Variants in RTTN observed in about 807,000 individuals in gnomAD.
The protein encoded by RTTN is rotatin.
Under a neutral mutation model 269.2 loss-of-function variants are expected in RTTN, and 182 were observed. The ratio of observed to expected loss-of-function variants is 0.68; its 90% CI spans 0.60 to 0.76. The LOEUF (loss-of-function observed/expected upper bound fraction) is 0.76. Ranked by LOEUF, RTTN falls within the 30% of genes least tolerant of loss-of-function variation. RTTN has a pLI of 0.00. For synonymous variants in RTTN, 1,006 were observed against 963.5 expected (o/e 1.04, Z -0.82); for missense variants, 2,545 against 2,608.6 (o/e 0.98, Z 0.53).
intron 7 of RTTN, among the ~76,000 whole-genome samples, chr18:70,195,815 G>A (rs2061791451): frequency 6.6e-6 from 1 of 152,162 alleles, no homozygotes; most frequent in Non-Finnish European, 1.5e-5. Context: ...TTTGTACAAT[G>A]CCATACCCTC....
rs1275911447 is a variant in RTTN, at chr18:70,088,122, C to G, written c.4169G>C (p.Gly1390Ala). ...CGTTTCAAGGGTGGTCAGTGCTGAT[C>G]CTAATCCCAGTGAAGTGAATCTCAC... ...PEVRFTSLGL[G>A]SALTTLETGC... The change falls in exon 31 of 49, where the codon GGA (glycine) becomes GCA (alanine). Residue 1390 changes from glycine to alanine, a missense_variant. Transcript: ENST00000640769. The G allele has an allele frequency of 1.9e-6, 3 of 1,613,314 alleles. No homozygotes were observed. Among genetic ancestry groups the G allele is most frequent in the Non-Finnish European group, 2.5e-6 (3 of 1,179,700 alleles).
At chr18:70,166,213 G>A (rs770608540) in intron 13 of RTTN, 25 bp from the exon 14 acceptor site, 1 of 1,610,664 alleles carries the variant, frequency 6.2e-7, no homozygotes, top group Non-Finnish European at 8.5e-7. Context: ...AAACAACCAA[G>A]ACATGTGAGG....
At chr18:70,034,050 T>G (rs1190217681) in intron 40 of RTTN, among the ~76,000 whole-genome samples, 4 of 152,020 alleles carry the variant, frequency 2.6e-5, no homozygotes, top group Admixed American at 1.3e-4. Context: ...AGCTCTAAAA[T>G]GGAATCAGAA....
At position 70,065,878 on chromosome 18, in the gene RTTN, C is replaced by T. The variant is rs771978131; in HGVS notation, c.4698G>A (p.Gln1566=). 14 of 1,602,402 alleles carry T rather than the reference C, an allele frequency of 8.7e-6. No homozygotes were observed. Among genetic ancestry groups the T allele is most frequent in the Admixed American group, 5.1e-5 (3 of 58,858 alleles). ...LGSTEFQPLV[Q]STTLLPEASH... Reference sequence around the variant, plus strand: ...AGGCTTCAGGTAGAAGTGTTGTTGACTGCACAAGTGGCTGAAATTCAGTAC... The same window carrying T: ...AGGCTTCAGGTAGAAGTGTTGTTGATTGCACAAGTGGCTGAAATTCAGTAC... The change falls in exon 35 of 49, where the codon CAG becomes CAA. Residue 1566 remains glutamine, a synonymous_variant. Transcript: ENST00000640769.
intron 32 of RTTN, among the ~76,000 whole-genome samples, chr18:70,084,191 G>A (rs932307847): frequency 6.6e-6 from 1 of 150,432 alleles, no homozygotes; most frequent in Non-Finnish European, 1.5e-5. Context: ...CTGCAGGCAG[G>A]AAAACAAAGT....
chr18:70,016,470 T>A (rs147066135), intron 46 of RTTN, among the ~76,000 whole-genome samples: 42 of 152,214 alleles, frequency 2.8e-4, no homozygotes, highest in Admixed American at 8.5e-4. Context: ...GACGCTGGAG[T>A]GATGCCCTAG....
chr18:70,190,677 A>C lies in RTTN; in HGVS notation c.1050T>G (p.Val350=). The change falls in exon 9 of 49, where the codon GTT becomes GTG. Residue 350 remains valine, a synonymous_variant. Transcript: ENST00000640769. ...SHAHVNSRIS[V]HSPLDMGHID... is the part of the protein sequence containing the mutation. The stretch of plus-strand genomic sequence containing the variant: ...TGTGTCCCATATCCAAAGGTGAATG[A>C]ACGGATATCCTGGAGTTTACATGAG... 1 of 1,613,168 alleles carries C rather than the reference A, an allele frequency of 6.2e-7. No individual in the cohort carries two copies. Among genetic ancestry groups the C allele is most frequent in the Non-Finnish European group, 8.5e-7 (1 of 1,179,178 alleles).
rs1568568218 is a variant in RTTN at position 70,204,149 on chromosome 18, G to T, written c.334C>A (p.Leu112Ile). Reference protein sequence around the residue: ...QAEIDGILDGLFLLPSEVPAL... With the variant: ...QAEIDGILDGIFLLPSEVPAL... ...GGAACTTCCGAAGGAAGAAGAAAAAGTCCATCCAGAATGCCATCAATTTCA... is the reference window on the plus strand; with the variant it reads ...GGAACTTCCGAAGGAAGAAGAAAAATTCCATCCAGAATGCCATCAATTTCA... Residue 112 changes from leucine to isoleucine, a missense_variant, in exon 3 of 49, where the codon CTT becomes ATT. Coordinates refer to ENST00000640769, the MANE Select transcript of RTTN (RefSeq NM_173630.4). 1 of 1,614,116 alleles carries T rather than the reference G, an allele frequency of 6.2e-7. No homozygotes were observed. Among genetic ancestry groups the T allele is most frequent in the Admixed American group, 1.7e-5 (1 of 60,016 alleles).
At chr18:70,116,075 T>TGAATAAAAGAATC (rs2059596484) in intron 26 of RTTN, among the ~76,000 whole-genome samples, 1 of 151,986 alleles carries the variant, frequency 6.6e-6, no homozygotes, top group Admixed American at 6.6e-5. Flanking sequence ...GTTTCATACA[T>TGAATAAAAGAATC]GAATAAAAGA....
At chr18:70,073,267 A>C (rs535947948) in intron 34 of RTTN, among the ~76,000 whole-genome samples, 1 of 152,184 alleles carries the variant, frequency 6.6e-6, no homozygotes, top group Non-Finnish European at 1.5e-5. Flanking sequence ...TCAGTGTTTC[A>C]AACTTTTCTG....
chr18:70,082,943 T>C (rs987693690), intron 32 of RTTN, among the ~76,000 whole-genome samples: 1 of 152,156 alleles, frequency 6.6e-6, no homozygotes, highest in Non-Finnish European at 1.5e-5. Flanking sequence ...TCCTCTCACC[T>C]CAGCCTCCCC....
At chr18:70,033,317 C>T (rs1390099362) in intron 40 of RTTN, among the ~76,000 whole-genome samples, 1 of 152,188 alleles carries the variant, frequency 6.6e-6, no homozygotes, top group Non-Finnish European at 1.5e-5. Flanking sequence ...ATAAATTACT[C>T]CGTGTCAGGT....
At chr18:70,008,282 T>A (rs2056258749) in intron 46 of RTTN, 2 of 151,922 alleles carry the variant, frequency 1.3e-5, no homozygotes, top group Admixed American at 6.6e-5. Context: ...GGTAGATAAA[T>A]CCACGAAAAT....
chr18:70,205,493 G>C lies in RTTN; in HGVS notation c.31+135C>G, dbSNP rs971633404. On this transcript the variant is annotated intron_variant, in intron 1 of 48. Coordinates refer to ENST00000640769, the MANE Select transcript of RTTN (RefSeq NM_173630.4). ...CACAAAGTCCGAGATGGGTCCCCGG[G>C]GGCTATCCTGACAAAGCGGGGGTGA... 94 of 1,356,508 alleles carry C rather than the reference G, an allele frequency of 6.9e-5. No homozygotes were observed. The Admixed American group carries it at 1.6e-3, about 23-fold the overall frequency. The allele number at this position is 1,356,508 out of a possible 1,614,324, so 84.0% of individuals were successfully genotyped here. A position where few individuals can be genotyped will look rare whatever the true frequency, so the allele number is the denominator to read the frequency against.
intron 46 of RTTN, among the ~76,000 whole-genome samples, chr18:70,011,102 T>G (rs2056357898): frequency 6.6e-6 from 1 of 152,062 alleles, no homozygotes; most frequent in East Asian, 1.9e-4. Context: ...ATTAATAGCC[T>G]ACCAACCAAA....
intron 10 of RTTN, among the ~76,000 whole-genome samples, chr18:70,184,701 A>C (rs1396531903): frequency 1.4e-4 from 3 of 21,130 alleles, no homozygotes; most frequent in Non-Finnish European, 3.9e-4. Context: ...AAACCACAGC[A>C]GGTTTTTTTT....
chr18:70,196,397 G>T, intron 7 of RTTN, 104 bp downstream of exon 7: 1 of 972,818 alleles, frequency 1.0e-6, no homozygotes, highest in Non-Finnish European at 1.5e-6. Flanking sequence ...AGTTTATGTT[G>T]TGAAAATGCG....
chr18:70,081,514 T>C (rs1203854358), intron 32 of RTTN, among the ~76,000 whole-genome samples: 1 of 152,102 alleles, frequency 6.6e-6, no homozygotes, highest in African/African-American at 2.4e-5. Flanking sequence ...AGAGATATAA[T>C]ATCTCTTGAC....
At chr18:70,149,928 C>T (rs2060493231) in intron 16 of RTTN, 43 bp downstream of exon 16, 1 of 1,319,060 alleles carries the variant, frequency 7.6e-7, no homozygotes, top group Non-Finnish European at 1.1e-6. Context: ...TCACACCCAG[C>T]CAAAGATAAA....
Sources: allele counts gnomAD v4.1 joint callset (sites outside exome capture counted in the v4.1 genomes callset), GRCh38; gene constraint gnomAD v4.1.1; transcripts MANE v1.5; gene names NCBI Gene and HGNC (gene_info 2026-07-23, HGNC 2026-07-21).